Variants in ABCC1 observed in about 807,000 individuals in gnomAD.
The protein encoded by ABCC1 is ATP binding cassette subfamily C member 1 (ABCC1 blood group).
Under a neutral mutation model 172.9 loss-of-function variants are expected in ABCC1, and 83 were observed. The observed-to-expected ratio is 0.48, with a 90% CI of 0.40 to 0.58. The LOEUF is 0.58. ABCC1 is among the 20% of genes least tolerant of loss of function. The pLI is 0.00. For missense variants in ABCC1, 1,817 were observed against 2,002.7 expected (o/e 0.91, Z 1.77); for synonymous variants, 937 against 825.2 (o/e 1.14, Z -2.32).
At chr16:16,015,624 ATG>A (rs1158562542) in intron 4 of ABCC1, among the ~76,000 whole-genome samples, 3 of 152,216 alleles carry the variant, frequency 2.0e-5, no homozygotes, top group Non-Finnish European at 4.4e-5. Flanking sequence ...GGGACTGTGT[ATG>A]TGTCACGAAT....
chr16:16,140,124 G>A (rs866925540), intron 30 of ABCC1, among the ~76,000 whole-genome samples: 4 of 152,204 alleles, frequency 2.6e-5, no homozygotes, highest in Non-Finnish European at 4.4e-5. Flanking sequence ...CGGTACAGCC[G>A]AATGTAAAAA....
At chr16:16,056,044 C>T (rs3765129) in intron 11 of ABCC1, 48 bp from the exon 12 acceptor site, 212,650 of 1,545,676 alleles carry the variant, frequency 0.14, 16,013 homozygotes, top group Admixed American at 0.17. Flanking sequence ...GAGTGATGGG[C>T]TGATCCCAGG....
At chr16:16,039,646 C>T (rs1449129637) in intron 7 of ABCC1, among the ~76,000 whole-genome samples, 2 of 152,104 alleles carry the variant, frequency 1.3e-5, no homozygotes, top group Non-Finnish European at 2.9e-5. Context: ...GTGCCTGTCC[C>T]TCCCTAAGTC....
At position 16,076,412 on chromosome 16, in the gene ABCC1, A is replaced by C. The variant is rs2151974006; in HGVS notation, c.1988+11A>C. 1.3e-6 allele frequency: 2 copies of C among 1,597,152 alleles called. No individual in the cohort carries two copies. Among genetic ancestry groups the C allele is most frequent in the Non-Finnish European group, 1.7e-6 (2 of 1,173,228 alleles). ...TCCCACACTGAATGGGTAAGCCGGG[A>C]CGTGGACACACGTGATGGTGTGGAG... On this transcript the variant is annotated intron_variant, in intron 15 of 30. Transcript: ENST00000399410.
At chr16:15,952,713 C>T (rs1460750281) in intron 1 of ABCC1, among the ~76,000 whole-genome samples, 4 of 51,626 alleles carry the variant, frequency 7.7e-5, no homozygotes, top group East Asian at 6.3e-4. Flanking sequence ...TTTGTGAGTT[C>T]ATTAAAAAAA....
intron 29 of ABCC1, among the ~76,000 whole-genome samples, chr16:16,136,880 C>T (rs1304373594): frequency 6.6e-6 from 1 of 152,256 alleles, no homozygotes; most frequent in East Asian, 1.9e-4. Context: ...TTTATACACA[C>T]CAGCTCCATT....
intron 3 of ABCC1, among the ~76,000 whole-genome samples, chr16:16,012,115 T>C (rs1290321378): frequency 6.6e-6 from 1 of 152,198 alleles, no homozygotes; most frequent in Non-Finnish European, 1.5e-5. Context: ...ACCATGATTC[T>C]ATATAGCACA....
chr16:16,104,182 G>A (rs1326453417), intron 20 of ABCC1, among the ~76,000 whole-genome samples: 3 of 152,182 alleles, frequency 2.0e-5, no homozygotes, highest in Non-Finnish European at 4.4e-5. Context: ...TTATCGCAAA[G>A]AGTGAAACAA....
intron 1 of ABCC1, among the ~76,000 whole-genome samples, chr16:15,983,117 G>T (rs2046665490): frequency 6.6e-6 from 1 of 152,112 alleles, no homozygotes; most frequent in African/African-American, 2.4e-5. Flanking sequence ...TTAAATGGGG[G>T]ATCAGGGTGT....
chr16:16,026,856 G>T (rs376132898), intron 5 of ABCC1, among the ~76,000 whole-genome samples: 1 of 152,172 alleles, frequency 6.6e-6, no homozygotes, highest in East Asian at 1.9e-4. Context: ...GGTGGAGGTT[G>T]CAGTGAGCCG....
intron 1 of ABCC1, among the ~76,000 whole-genome samples, chr16:15,956,278 T>C (rs1454281391): frequency 6.6e-6 from 1 of 151,968 alleles, no homozygotes; most frequent in African/African-American, 2.4e-5. Flanking sequence ...GGCATGAGCA[T>C]TGCTTGAACC....
intron 5 of ABCC1, among the ~76,000 whole-genome samples, chr16:16,029,690 T>C (rs1229953317): frequency 6.6e-6 from 1 of 152,240 alleles, no homozygotes; most frequent in Non-Finnish European, 1.5e-5. Context: ...CTTTCTCTAA[T>C]GATAACATCT....
In ABCC1 at chr16:16,056,196, C is replaced by T. The variant is rs1456338753; in HGVS notation, c.1578C>T (p.Asp526=). 3 of 1,614,042 alleles carry T rather than the reference C, an allele frequency of 1.9e-6. No individual in the cohort carries two copies. The African/African-American group carries it at 4.0e-5, about 22-fold the overall frequency. Residue 526 remains aspartate (D), a synonymous_variant, in exon 12 of 31, where the codon GAC becomes GAT. Coordinates refer to ENST00000399410, the MANE Select transcript of ABCC1 (RefSeq NM_004996.4). Reference sequence around the variant, plus strand: ...ATGCCTGGGAGCTGGCATTCAAGGACAAGGTGCTGGCCATCAGGCAGGAGG... The same window carrying T: ...ATGCCTGGGAGCTGGCATTCAAGGATAAGGTGCTGGCCATCAGGCAGGAGG... ...KLYAWELAFK[D]KVLAIRQEEL... is the part of the protein sequence containing the mutation.
chr16:16,083,649 G>A (rs2050893667), intron 17 of ABCC1, 107 bp downstream of exon 17: 1 of 1,422,496 alleles, frequency 7.0e-7, no homozygotes, highest in East Asian at 2.3e-5. Flanking sequence ...AGCTGACCCG[G>A]CAGGGCTCAG....
At chr16:16,131,120 C>CA (rs112151630) in intron 26 of ABCC1, among the ~76,000 whole-genome samples, 31 of 145,664 alleles carry the variant, frequency 2.1e-4, no homozygotes, top group Admixed American at 4.1e-4. Context: ...GACTCCATCT[C>CA]AAAAAAAAAA....
intron 26 of ABCC1, among the ~76,000 whole-genome samples, chr16:16,130,212 A>G (rs937415254): frequency 1.3e-5 from 2 of 152,224 alleles, no homozygotes; most frequent in African/African-American, 4.8e-5. Flanking sequence ...ACACTGCGAT[A>G]CAGATGCTGC....
At chr16:15,956,292 T>C (rs2045995824) in intron 1 of ABCC1, among the ~76,000 whole-genome samples, 1 of 151,546 alleles carries the variant, frequency 6.6e-6, no homozygotes. Context: ...TTGAACCTGG[T>C]AGGCGGACAC....
chr16:16,022,828 CA>C (rs2048238701), intron 5 of ABCC1, among the ~76,000 whole-genome samples: 1 of 152,186 alleles, frequency 6.6e-6, no homozygotes, highest in Non-Finnish European at 1.5e-5. Context: ...CCTAGAGCCA[CA>C]GTTAACATTT....
At chr16:15,981,852 A>T (rs1039507984) in intron 1 of ABCC1, among the ~76,000 whole-genome samples, 8 of 152,120 alleles carry the variant, frequency 5.3e-5, no homozygotes. Context: ...TCAAACTTTT[A>T]TGCTCTGCTT....
Sources: gnomAD v4.1 joint callset for allele counts (sites outside exome capture counted in the v4.1 genomes callset) on GRCh38, gnomAD v4.1.1 for gene constraint, MANE v1.5 for transcripts, NCBI Gene and HGNC (gene_info 2026-07-23, HGNC 2026-07-21) for gene names.